Variants in CLN3 observed in about 807,000 individuals in gnomAD.
CLN3 encodes the protein CLN3 lysosomal/endosomal transmembrane protein, battenin, also known as battenin.
Under a neutral mutation model 60.7 loss-of-function variants are expected in CLN3, and 49 were observed. The observed-to-expected ratio is 0.81, with a 90% CI of 0.64 to 1.02. CLN3 has a LOEUF of 1.02. CLN3 is among the 50% of genes least tolerant of loss of function. The pLI is 0.00. For missense variants in CLN3, 516 were observed against 557.4 expected (o/e 0.93, Z 0.75); for synonymous variants, 256 against 245.8 (o/e 1.04, Z -0.39).
At chr16:28,485,396 G>A (rs1460790246) in intron 9 of CLN3, among the ~76,000 whole-genome samples, 3 of 149,636 alleles carry the variant, frequency 2.0e-5, no homozygotes, top group South Asian at 2.1e-4. Context: ...GTGAAACCCC[G>A]TCTCTACTAA....
At chr16:28,471,862 C>G (rs1174352716), downstream of CLN3, among the ~76,000 whole-genome samples, 2 of 151,980 alleles carry the variant, frequency 1.3e-5, no homozygotes, top group Non-Finnish European at 2.9e-5. Context: ...TCATGATTGA[C>G]CTCTCAGGGA....
Position 28,488,628 on chromosome 16 carries a change from C to A in CLN3, c.257G>T (p.Ser86Ile). The change falls in exon 5 of 16, where the codon AGC (serine) becomes ATC (isoleucine). Residue 86 changes from serine to isoleucine, a missense_variant. Coordinates refer to ENST00000636147, the MANE Select transcript of CLN3 (RefSeq NM_001042432.2). ...AGAGTTGCAGTCAAATCGTGATGAG[C>A]TGTTGTGGGGGATCGGCGTTGGGCC... ...DPGPTPIPHN[S>I]SSRFDCNSVS... is the part of the protein sequence containing the mutation. The A allele has an allele frequency of 6.2e-7, 1 of 1,614,154 alleles. No individual in the cohort carries two copies. Among genetic ancestry groups the A allele is most frequent in the Non-Finnish European group, 8.5e-7 (1 of 1,180,016 alleles).
Position 28,492,036 on chromosome 16 carries a change from A to C in CLN3, c.-93T>G, listed in dbSNP as rs1050754043. The C allele has an allele frequency of 2.4e-5, 14 of 574,392 alleles. No individual in the cohort carries two copies. Among genetic ancestry groups the C allele is most frequent in the African/African-American group, 7.5e-5 (4 of 53,330 alleles). The allele number at this position is 574,392 out of a possible 1,614,324, so 35.6% of individuals were successfully genotyped here. On this transcript the variant is annotated 5_prime_UTR_variant, in exon 1 of 16. Coordinates refer to ENST00000636147, the MANE Select transcript of CLN3 (RefSeq NM_001042432.2). ...GGCCTGTACCTTTAAGAGCAGCAGA[A>C]TGTTCTGCACTATGCAGAGGCCGTT...
In CLN3 at chr16:28,489,368, G is replaced by A. The variant is rs1289753739; in HGVS notation, c.144C>T (p.Asn48=). 2 of 1,612,498 alleles carry A rather than the reference G, an allele frequency of 1.2e-6. No homozygotes were observed. Among genetic ancestry groups the A allele is most frequent in the Non-Finnish European group, 1.7e-6 (2 of 1,179,352 alleles). The change falls in exon 4 of 16, where the codon AAC becomes AAT. Residue 48 remains asparagine, a synonymous_variant. Transcript: ENST00000636147. ...TCAGCATCACCACATAAGAGAAGTT[G>A]TTGCAAAGGCCCAGCAGCCTGGAAG... is the stretch of plus-strand genomic sequence containing the variant. ...AVGFWLLGLC[N]NFSYVVMLSA...
chr16:28,481,421 C>CACAT (rs144366314), intron 14 of CLN3, among the ~76,000 whole-genome samples: 4,510 of 117,198 alleles, frequency 0.038, 196 homozygotes, highest in African/African-American at 0.13. Flanking sequence ...GCTTAAAACA[C>CACAT]ACACACACAC....
At chr16:28,473,262 G>A (rs1413649922), downstream of CLN3, among the ~76,000 whole-genome samples, 3 of 151,966 alleles carry the variant, frequency 2.0e-5, no homozygotes, top group Admixed American at 1.3e-4. Context: ...ACCTTGCCAG[G>A]ATAATTTTTT....
chr16:28,477,567 C>T lies in CLN3; in HGVS notation c.1266G>A (p.Leu422=). 1.2e-6 allele frequency: 2 copies of T among 1,613,964 alleles called. No individual in the cohort carries two copies. The highest frequency in any genetic ancestry group is 4.5e-5 in the East Asian group (2 of 44,872). The change falls in exon 16 of 16, where the codon CTG becomes CTA. Residue 422 remains leucine (L), a synonymous_variant. Coordinates refer to ENST00000636147, the MANE Select transcript of CLN3 (RefSeq NM_001042432.2). ...TCISDTLGIS[L]SGLLALPLHD... ...GCAGAGGCAAAGCCAGGAGCCCCGA[C>T]AGGGAGATCCCCAGTGTGTCAGAGA...
chr16:28,484,112 G>C lies in CLN3; in HGVS notation c.684C>G (p.Phe228Leu). ...GIPALLLASY[F>L]LLLTSPEAQD... ...GGGCCTCAGGAGATGTGAGCAACAA[G>C]AAATAGCTAGGAGTAGGATGAAGGC... The change falls in exon 10 of 16, where the codon TTC becomes TTG. Residue 228 changes from phenylalanine (F) to leucine (L), a missense_variant. Phe to Leu is a conservative substitution (Grantham distance 22). Transcript: ENST00000636147. 6.2e-7 allele frequency: 1 copy of C among 1,608,488 alleles called. No homozygotes were observed. The highest frequency in any genetic ancestry group is 8.5e-7 in the Non-Finnish European group (1 of 1,177,048).
chr16:28,470,215 C>T (rs376576253), downstream of CLN3, among the ~76,000 whole-genome samples: 1 of 128,956 alleles, frequency 7.8e-6, no homozygotes, highest in African/African-American at 3.2e-5. Context: ...GGGGTTTCGC[C>T]ATGATGCCCT....
downstream of CLN3, among the ~76,000 whole-genome samples, chr16:28,474,863 G>A (rs576238510): frequency 2.3e-3 from 344 of 152,304 alleles, 1 homozygote; most frequent in Non-Finnish European, 3.7e-3. Flanking sequence ...AGACCTTTGG[G>A]AGGCTGAAGC....
At chr16:28,477,675 A>G in intron 15 of CLN3, 40 bp from the exon 16 acceptor site, 2 of 1,614,008 alleles carry the variant, frequency 1.2e-6, no homozygotes. Flanking sequence ...TCAGTCCCAG[A>G]CATCCCTGCC....
Position 28,477,420 on chromosome 16 carries a change from G to A in CLN3, c.*96C>T. On this transcript the variant is annotated 3_prime_UTR_variant, in exon 16 of 16. Coordinates refer to ENST00000636147, the MANE Select transcript of CLN3 (RefSeq NM_001042432.2). ...CCCAGACCTGCCGGGAAGGCTGGGAGCACAGTTCATGGAGGGTCTCTGGGG... is the reference window on the plus strand; with the variant it reads ...CCCAGACCTGCCGGGAAGGCTGGGAACACAGTTCATGGAGGGTCTCTGGGG... 2 of 1,544,888 alleles carry A rather than the reference G, an allele frequency of 1.3e-6. No homozygotes were observed. Among genetic ancestry groups the A allele is most frequent in the Non-Finnish European group, 1.8e-6 (2 of 1,124,950 alleles).
chr16:28,482,075 G>C (rs1188739525), intron 14 of CLN3, 30 bp downstream of exon 14: 4 of 1,564,818 alleles, frequency 2.6e-6, no homozygotes, highest in Admixed American at 1.7e-5. Context: ...AGCCAAGGTG[G>C]GAGTGAAGTG....
chr16:28,487,492 C>G lies in CLN3; in HGVS notation c.424G>C (p.Val142Leu). The G allele has an allele frequency of 6.2e-7, 1 of 1,613,980 alleles. No homozygotes were observed. Among genetic ancestry groups the G allele is most frequent in the Non-Finnish European group, 8.5e-7 (1 of 1,180,000 alleles). Residue 142 changes from valine to leucine, a missense_variant, in exon 7 of 16, where the codon GTT becomes CTT. Transcript: ENST00000636147. ...GTCCCCACAGAATGAGAAAAGGCAA[C>G]CAGGACGAAGCTTCCAGCAGCACAA... ...GICAAGSFVL[V>L]AFSHSVGTSL... is the part of the protein sequence containing the mutation.
chr16:28,491,473 G>C lies in CLN3; in HGVS notation c.125+9C>G, dbSNP rs770630584. 1.2e-6 allele frequency: 2 copies of C among 1,612,872 alleles called. No individual in the cohort carries two copies. Among genetic ancestry groups the C allele is most frequent in the Non-Finnish European group, 1.7e-6 (2 of 1,179,936 alleles). On this transcript the variant is annotated intron_variant, in intron 3 of 15. Coordinates refer to ENST00000636147, the MANE Select transcript of CLN3 (RefSeq NM_001042432.2). ...CCATTGTCACTCGCTGAAGTCTCAGGCCACTCACCAGAAGCCCACCGCGTT... is the reference window on the plus strand; with the variant it reads ...CCATTGTCACTCGCTGAAGTCTCAGCCCACTCACCAGAAGCCCACCGCGTT...
the CLN3 span, among the ~76,000 whole-genome samples, chr16:28,468,582 G>A: frequency 7.4e-6 from 1 of 135,002 alleles, no homozygotes; most frequent in East Asian, 2.3e-4. Context: ...GCCGAGGTGG[G>A]TGGACCACGA....
At chr16:28,487,370 C>T (rs1004762815) in intron 7 of CLN3, 86 bp downstream of exon 7, 6 of 1,116,580 alleles carry the variant, frequency 5.4e-6, no homozygotes, top group African/African-American at 1.5e-5. Context: ...AATCCCTTTC[C>T]TCTGGGAGGC....
At position 28,483,700 on chromosome 16, in the gene CLN3, CTTCCT is replaced by C. The variant is rs1483153150; in HGVS notation, c.790+301_790+305del. 2.0e-5 allele frequency among the ~76,000 whole-genome samples: 3 copies of C among 148,274 alleles called. No homozygotes were observed. In the Admixed American group the frequency reaches 2.1e-4, roughly 10 times the overall value. Reference sequence around the variant, plus strand: ...TATCCCTTCTTCTCTCCCTCCCTTCCTTCCTTTCTTTTCTTTTTTTTTTTTTTTTT... The same window carrying C: ...TATCCCTTCTTCTCTCCCTCCCTTCCTTCTTTTCTTTTTTTTTTTTTTTTT... On this transcript the variant is annotated intron_variant, in intron 10 of 15. Coordinates refer to ENST00000636147, the MANE Select transcript of CLN3 (RefSeq NM_001042432.2).
At chr16:28,472,759 T>C (rs2045961430), downstream of CLN3, among the ~76,000 whole-genome samples, 1 of 149,332 alleles carries the variant, frequency 6.7e-6, no homozygotes, top group Admixed American at 6.7e-5. Context: ...GGAGAATCGC[T>C]TGAACCCGGG....
Sources: gnomAD v4.1 joint callset for allele counts (sites outside exome capture counted in the v4.1 genomes callset) on GRCh38, gnomAD v4.1.1 for gene constraint, MANE v1.5 for transcripts, NCBI Gene and HGNC (gene_info 2026-07-23, HGNC 2026-07-21) for gene names.